TOX: variants seen among roughly 807,000 people sequenced by gnomAD.
TOX encodes thymocyte selection associated high mobility group box.
In TOX, 11 loss-of-function variants were observed where a neutral mutation model predicts 53.7. The ratio of observed to expected loss-of-function variants is 0.20; its 90% CI spans 0.13 to 0.34. The LOEUF (loss-of-function observed/expected upper bound fraction) is 0.34, where lower values mean the gene tolerates loss of function less well. Ranked by LOEUF, TOX falls within the 10% of genes least tolerant of loss-of-function variation. The pLI is 1.00. For synonymous variants in TOX, 225 were observed against 245.3 expected (o/e 0.92, Z 0.77); for missense variants, 570 against 664.6 (o/e 0.86, Z 1.56).
chr8:59,106,152 T>G (rs1804895950), intron 1 of TOX, among the ~76,000 whole-genome samples: 1 of 152,180 alleles, frequency 6.6e-6, no homozygotes, highest in Admixed American at 6.5e-5. Context: ...CAGAAACAAC[T>G]GTATGAACCT....
chr8:58,810,580 T>A (rs534989993), intron 7 of TOX, among the ~76,000 whole-genome samples: 2 of 151,196 alleles, frequency 1.3e-5, no homozygotes, highest in South Asian at 4.2e-4. Context: ...TTCCAATTCC[T>A]GGGTTAAAGC....
At chr8:58,889,229 A>C (rs6471755) in intron 3 of TOX, among the ~76,000 whole-genome samples, 78,099 of 142,030 alleles carry the variant, frequency 0.55, 22,464 homozygotes, top group African/African-American at 0.7. Context: ...AAAAAAAAAA[A>C]AAACAAAAAA....
Position 58,867,293 on chromosome 8 carries a change from T to TA in TOX, c.412-15489dup, listed in dbSNP as rs962031935. 7.2e-5 allele frequency among the ~76,000 whole-genome samples: 11 copies of TA among 151,982 alleles called. No individual in the cohort carries two copies. The East Asian group carries it at 7.7e-4, about 11-fold the overall frequency. On this transcript the variant is annotated intron_variant, in intron 3 of 8. Transcript: ENST00000361421. ...ATATTTTGATGTTGTTCTTTTTTAA[T>TA]AAAAAAAAGGGAGATAGCTTTTATT...
chr8:58,936,332 A>G (rs181811888), intron 3 of TOX, among the ~76,000 whole-genome samples: 7 of 152,292 alleles, frequency 4.6e-5, no homozygotes, highest in Admixed American at 2.0e-4. Flanking sequence ...CCCAAACCAG[A>G]GTATAAAACT....
chr8:58,882,816 A>G lies in TOX; in HGVS notation c.412-31011T>C, dbSNP rs1450173367. On this transcript the variant is annotated intron_variant, in intron 3 of 8. Coordinates refer to ENST00000361421, the MANE Select transcript of TOX (RefSeq NM_014729.3). Reference sequence around the variant, plus strand: ...GGACATATGAGTGCATTGGGAAAAGAGTTAACTGGATGATGTCACTATCAA... The same window carrying G: ...GGACATATGAGTGCATTGGGAAAAGGGTTAACTGGATGATGTCACTATCAA... Among the ~76,000 whole-genome samples, 5 of 152,216 alleles carry G rather than the reference A, an allele frequency of 3.3e-5. No homozygotes were observed. In the East Asian group the frequency reaches 9.6e-4, roughly 29 times the overall value.
chr8:59,060,751 C>T (rs1233060483), intron 1 of TOX, among the ~76,000 whole-genome samples: 2 of 152,214 alleles, frequency 1.3e-5, no homozygotes, highest in Non-Finnish European at 2.9e-5. Context: ...TTATGCCATT[C>T]AATTCTCTTA....
chr8:58,935,854 C>T (rs1336446547), intron 3 of TOX, among the ~76,000 whole-genome samples: 5 of 152,170 alleles, frequency 3.3e-5, no homozygotes, highest in Non-Finnish European at 7.3e-5. Context: ...AAACTAATTC[C>T]TTCATGCTTT....
intron 3 of TOX, among the ~76,000 whole-genome samples, chr8:58,911,984 G>A (rs967516495): frequency 2.6e-5 from 4 of 152,200 alleles, no homozygotes; most frequent in Non-Finnish European, 4.4e-5. Flanking sequence ...TTACAGGCGT[G>A]AGCCACCGTG....
chr8:58,853,258 T>C (rs1358255697), intron 3 of TOX, among the ~76,000 whole-genome samples: 1 of 152,196 alleles, frequency 6.6e-6, no homozygotes, highest in Non-Finnish European at 1.5e-5. Flanking sequence ...TGTACCTGCC[T>C]TTTCTAAGTC....
intron 1 of TOX, among the ~76,000 whole-genome samples, chr8:59,011,936 G>T (rs201812438): frequency 1.3e-5 from 2 of 152,084 alleles, no homozygotes; most frequent in East Asian, 3.9e-4. Flanking sequence ...TTCATTAAAG[G>T]TCAAGACGAG....
intron 1 of TOX, among the ~76,000 whole-genome samples, chr8:59,069,045 G>A (rs186259447): frequency 6.6e-6 from 1 of 152,310 alleles, no homozygotes; most frequent in East Asian, 1.9e-4. Flanking sequence ...CATAGTGCAT[G>A]CAAGGGGGCT....
chr8:58,862,139 C>G (rs571558806), intron 3 of TOX, among the ~76,000 whole-genome samples: 1 of 152,172 alleles, frequency 6.6e-6, no homozygotes, highest in African/African-American at 2.4e-5. Context: ...GAAACGAAGA[C>G]AGGAAAAGGC....
rs1303978029 is a variant in TOX at position 58,807,486 on chromosome 8, C to T, written c.*261G>A. 2 of 418,408 alleles carry T rather than the reference C, an allele frequency of 4.8e-6. No individual in the cohort carries two copies. Among genetic ancestry groups the T allele is most frequent in the African/African-American group, 2.0e-5 (1 of 50,408 alleles). 25.9% of individuals were successfully genotyped at this position (418,408 alleles called of 1,614,324 possible). A position where few individuals can be genotyped will look rare whatever the true frequency, so the allele number is the denominator to read the frequency against. ...GCAGTTACTAGAGCGCAGCACTTCA[C>T]AGCAAAAAACCAACATAAAATCTGA... is the stretch of plus-strand genomic sequence containing the variant. On this transcript the variant is annotated 3_prime_UTR_variant, in exon 9 of 9. Transcript: ENST00000361421.
intron 1 of TOX, 135 bp from the exon 2 acceptor site, chr8:58,960,143 A>G: frequency 1.1e-6 from 1 of 892,310 alleles, no homozygotes; most frequent in East Asian, 2.7e-5. Flanking sequence ...GGGACTATGG[A>G]AAATCTGTCA....
intron 3 of TOX, among the ~76,000 whole-genome samples, chr8:58,854,273 C>T (rs578213283): frequency 6.6e-5 from 10 of 152,164 alleles, no homozygotes; most frequent in Non-Finnish European, 1.3e-4. Context: ...CTGTATTGAG[C>T]CCATTTCTTC....
chr8:58,992,676 A>G (rs1328771669), intron 1 of TOX: 5 of 152,232 alleles, frequency 3.3e-5, no homozygotes. Flanking sequence ...GTAAGTTACA[A>G]AATCTTTCTG....
At chr8:58,896,242 G>A (rs1274301372) in intron 3 of TOX, among the ~76,000 whole-genome samples, 8 of 152,034 alleles carry the variant, frequency 5.3e-5, no homozygotes, top group Non-Finnish European at 8.8e-5. Context: ...GCATAAGGAC[G>A]CAGACAATAC....
At chr8:59,009,284 C>G (rs145834997) in intron 1 of TOX, among the ~76,000 whole-genome samples, 1 of 151,546 alleles carries the variant, frequency 6.6e-6, no homozygotes, top group Non-Finnish European at 1.5e-5. Context: ...TGTATGCCCT[C>G]CTTGGCCCTT....
chr8:58,836,385 G>T (rs1225956781), intron 5 of TOX, among the ~76,000 whole-genome samples: 1 of 152,174 alleles, frequency 6.6e-6, no homozygotes, highest in Admixed American at 6.5e-5. Flanking sequence ...TTAAAATTCT[G>T]CAACAATATG....
Sources: allele counts gnomAD v4.1 joint callset (sites outside exome capture counted in the v4.1 genomes callset), GRCh38; gene constraint gnomAD v4.1.1; transcripts MANE v1.5; gene names NCBI Gene and HGNC (gene_info 2026-07-23, HGNC 2026-07-21).